TULP3: variants seen among roughly 807,000 people sequenced by gnomAD.
The protein encoded by TULP3 is TUB like protein 3, also known as tubby-related protein 3.
In TULP3, 38 loss-of-function variants were observed where a neutral mutation model predicts 50.7. The ratio of observed to expected loss-of-function variants is 0.75; its 90% confidence interval spans 0.58 to 0.98. The LOEUF (loss-of-function observed/expected upper bound fraction) is 0.98, where lower values mean the gene tolerates loss of function less well. Among genes scored for constraint, TULP3 ranks in the 50% least tolerant of loss-of-function variants. The pLI is 0.00. For synonymous variants in TULP3, 183 were observed against 196.6 expected, an observed-to-expected ratio of 0.93 and a Z score of 0.58; for missense variants, 550 against 568.0, an observed-to-expected ratio of 0.97 and a Z score of 0.32.
chr12:2,930,112 G>A (rs1018475643), intron 4 of TULP3, 136 bp from the exon 5 acceptor site: 19 of 618,052 alleles, frequency 3.1e-5, no homozygotes, highest in Non-Finnish European at 4.9e-5. Context: ...CCTGTTTTAT[G>A]TATTTGGACA....
intron 1 of TULP3, among the ~76,000 whole-genome samples, chr12:2,897,505 C>T (rs1346371235): frequency 4.6e-5 from 7 of 152,040 alleles, no homozygotes; most frequent in African/African-American, 1.7e-4. Context: ...TGGTTCAGGC[C>T]TATAATCCTA....
intron 4 of TULP3, 95 bp from the exon 5 acceptor site, chr12:2,930,153 A>C: frequency 1.2e-6 from 1 of 850,088 alleles, no homozygotes; most frequent in Non-Finnish European, 1.8e-6. Context: ...AGAATAGTTA[A>C]GAATGTTTTA....
chr12:2,891,852 G>A (rs555586920), intron 1 of TULP3, among the ~76,000 whole-genome samples: 1 of 152,072 alleles, frequency 6.6e-6, no homozygotes, highest in East Asian at 1.9e-4. Flanking sequence ...TCAGGAGTTC[G>A]AGACCAGCCT....
chr12:2,922,428 C>G (rs1407250035), intron 4 of TULP3, 26 bp downstream of exon 4: 2 of 1,596,084 alleles, frequency 1.3e-6, no homozygotes, highest in Non-Finnish European at 1.7e-6. Context: ...GATTTTAAGG[C>G]AATTTGTCTC....
At chr12:2,937,790 A>G in intron 9 of TULP3, 61 bp downstream of exon 9, 1 of 1,171,152 alleles carries the variant, frequency 8.5e-7, no homozygotes, top group Non-Finnish European at 1.2e-6. Flanking sequence ...CAATACACAG[A>G]GATTAATACA....
chr12:2,894,836 G>A (rs1270712623), intron 1 of TULP3, among the ~76,000 whole-genome samples: 1 of 53,796 alleles, frequency 1.9e-5, no homozygotes, highest in East Asian at 6.1e-4. Context: ...GGAGGTTGCG[G>A]TGAGCCGAGA....
chr12:2,906,682 G>A (rs988712391), intron 1 of TULP3, among the ~76,000 whole-genome samples: 69 of 151,522 alleles, frequency 4.6e-4, no homozygotes, highest in African/African-American at 1.5e-3. Flanking sequence ...TTTGGAGGCC[G>A]AGGTGGGTGG....
In TULP3 at chr12:2,899,818, A is replaced by G. The variant is rs181040771; in HGVS notation, c.41+8830A>G. ...TGAGGCAGGAGAATGGCATGAACCC[A>G]GGAGGCGGAGCTTGCAGTGAGCAGA... On this transcript the variant is annotated intron_variant, in intron 1 of 10. Coordinates refer to ENST00000448120, the MANE Select transcript of TULP3 (RefSeq NM_003324.5). Among the ~76,000 whole-genome samples, 74 of 149,756 alleles carry G rather than the reference A, an allele frequency of 4.9e-4. No homozygotes were observed. The East Asian group carries it at 0.011, about 22-fold the overall frequency.
chr12:2,932,915 A>G (rs548177808), intron 6 of TULP3, among the ~76,000 whole-genome samples: 1 of 152,036 alleles, frequency 6.6e-6, no homozygotes, highest in African/African-American at 2.4e-5. Context: ...ATAGGAAGAA[A>G]ACCCTGATAG....
At chr12:2,898,936 C>T (rs769620837) in intron 1 of TULP3, among the ~76,000 whole-genome samples, 3 of 152,084 alleles carry the variant, frequency 2.0e-5, no homozygotes, top group Non-Finnish European at 2.9e-5. Context: ...ACATAGGCAT[C>T]GCAAAGTGCT....
chr12:2,940,558 G>A lies in TULP3; in HGVS notation c.*1114G>A, dbSNP rs1207301414. 6.4e-7 allele frequency: 1 copy of A among 1,551,178 alleles called. No homozygotes were observed. The highest frequency in any genetic ancestry group is 2.4e-5 in the East Asian group (1 of 40,912). ...GTATCCAAACCTTGAGAATGCAGGAGCTCTGTGAGCTCCACCGTCAGCACC... is the reference window on the plus strand; with the variant it reads ...GTATCCAAACCTTGAGAATGCAGGAACTCTGTGAGCTCCACCGTCAGCACC... On this transcript the variant is annotated 3_prime_UTR_variant, in exon 11 of 11. Transcript: ENST00000448120.
intron 4 of TULP3, among the ~76,000 whole-genome samples, chr12:2,928,981 T>C (rs2098196233): frequency 6.6e-6 from 1 of 151,322 alleles, no homozygotes; most frequent in African/African-American, 2.4e-5. Flanking sequence ...TGCAGCTCTT[T>C]TTAGAATTTG....
chr12:2,937,469 G>A (rs1373422314), intron 8 of TULP3, among the ~76,000 whole-genome samples, 162 bp from the exon 9 acceptor site: 8 of 151,582 alleles, frequency 5.3e-5, no homozygotes, highest in Admixed American at 1.3e-4. Context: ...TGCCCACCTC[G>A]GCCTCCCAAA....
intron 8 of TULP3, among the ~76,000 whole-genome samples, chr12:2,936,206 G>A (rs973189959): frequency 2.0e-5 from 3 of 151,956 alleles, no homozygotes; most frequent in African/African-American, 7.3e-5. Flanking sequence ...GGAGGCAGAG[G>A]TTGCAATGAG....
Position 2,914,211 on chromosome 12 carries a change from G to A in TULP3, c.93+4631G>A, listed in dbSNP as rs1225475795. On this transcript the variant is annotated intron_variant, in intron 2 of 10. Transcript: ENST00000448120. ...GCAATCTTGGCTCACTGCAACCTCT[G>A]CCTCCCAGGTTCAAGCAGTTCTCCT... 2.8e-5 allele frequency among the ~76,000 whole-genome samples: 4 copies of A among 144,812 alleles called. No homozygotes were observed. The East Asian group carries it at 8.3e-4, about 30-fold the overall frequency.
intron 1 of TULP3, among the ~76,000 whole-genome samples, chr12:2,906,689 G>A (rs1282654384): frequency 6.6e-6 from 1 of 151,478 alleles, no homozygotes; most frequent in East Asian, 2.0e-4. Context: ...GCCGAGGTGG[G>A]TGGATCACCT....
intron 4 of TULP3, among the ~76,000 whole-genome samples, chr12:2,923,140 T>C (rs1347403264): frequency 6.6e-6 from 1 of 151,956 alleles, no homozygotes; most frequent in Non-Finnish European, 1.5e-5. Flanking sequence ...ATTATAGGCG[T>C]GAGCCACCAC....
intron 4 of TULP3, among the ~76,000 whole-genome samples, chr12:2,923,833 G>C (rs910556571): frequency 1.3e-5 from 2 of 150,408 alleles, no homozygotes; most frequent in African/African-American, 4.9e-5. Context: ...AAAAAAAATT[G>C]TCTGGGTGCA....
intron 2 of TULP3, among the ~76,000 whole-genome samples, chr12:2,918,836 G>A (rs530954706): frequency 1.3e-5 from 2 of 152,202 alleles, no homozygotes; most frequent in South Asian, 2.1e-4. Context: ...CACTGTGCCC[G>A]GCCAGCAAGT....
Sources: allele counts gnomAD v4.1 joint callset (sites outside exome capture counted in the v4.1 genomes callset), GRCh38; gene constraint gnomAD v4.1.1; transcripts MANE v1.5; gene names NCBI Gene and HGNC (gene_info 2026-07-23, HGNC 2026-07-21).